Variants in LRP1B observed in about 807,000 individuals in gnomAD.
The protein encoded by LRP1B is low-density lipoprotein receptor-related protein 1B.
In LRP1B, 217 loss-of-function variants were observed where a neutral mutation model predicts 556.6. The observed-to-expected ratio is 0.39, with a 90% CI of 0.35 to 0.44. The LOEUF is 0.44. Among genes scored for constraint, LRP1B ranks in the 20% least tolerant of loss-of-function variants. The probability of loss-of-function intolerance (pLI) is 1.00; values close to 1 mark genes in which losing one functional copy is unlikely to be tolerated. For synonymous variants in LRP1B, 2,047 were observed against 1,865.8 expected, an observed-to-expected ratio of 1.10 and a Z score of -2.50; for missense variants, 5,053 against 5,620.8, an observed-to-expected ratio of 0.90 and a Z score of 3.23.
intron 14 of LRP1B, among the ~76,000 whole-genome samples, chr2:141,012,484 A>G (rs1203322361): frequency 6.6e-6 from 1 of 151,976 alleles, no homozygotes; most frequent in Non-Finnish European, 1.5e-5. Context: ...TTACCTTTTA[A>G]TCTATCCAGG....
At chr2:141,208,975 T>C (rs1372237339) in intron 6 of LRP1B, among the ~76,000 whole-genome samples, 1 of 139,536 alleles carries the variant, frequency 7.2e-6, no homozygotes, top group Non-Finnish European at 1.5e-5. Context: ...AACAATATTA[T>C]CAAAATAGCA....
chr2:140,825,436 T>C lies in LRP1B; in HGVS notation c.5210-11630A>G, dbSNP rs191586219. On this transcript the variant is annotated intron_variant, in intron 31 of 90. Coordinates refer to ENST00000389484, the MANE Select transcript of LRP1B (RefSeq NM_018557.3). ...CACATTATAGGAAGTCCTTTTTTTT[T>C]TTAGTTTTTTCTTCAAGACTCCCAC... is the stretch of plus-strand genomic sequence containing the variant. Among the ~76,000 whole-genome samples the C allele has an allele frequency of 2.1e-4, 32 of 152,258 alleles. No individual in the cohort carries two copies. In the East Asian group the frequency reaches 4.6e-3, roughly 22 times the overall value.
chr2:141,853,753 T>C (rs1697946513), intron 1 of LRP1B, among the ~76,000 whole-genome samples: 1 of 151,958 alleles, frequency 6.6e-6, no homozygotes, highest in Non-Finnish European at 1.5e-5. Context: ...ATACAAAAGT[T>C]TGGTAGTGAA....
intron 2 of LRP1B, among the ~76,000 whole-genome samples, chr2:141,635,872 A>G (rs1314266702): frequency 1.3e-5 from 2 of 152,182 alleles, no homozygotes; most frequent in African/African-American, 2.4e-5. Flanking sequence ...GAGTGGTCGC[A>G]TCTCAGGGTA....
intron 56 of LRP1B, among the ~76,000 whole-genome samples, chr2:140,493,359 C>T (rs1179145511): frequency 6.6e-6 from 1 of 152,070 alleles, no homozygotes; most frequent in Non-Finnish European, 1.5e-5. Context: ...AAGATCTGAG[C>T]ATTCTCAACG....
intron 3 of LRP1B, among the ~76,000 whole-genome samples, chr2:141,260,172 G>A (rs1298633252): frequency 6.6e-6 from 1 of 152,084 alleles, no homozygotes. Flanking sequence ...CCAACAGATA[G>A]TGAAACACTA....
In LRP1B at chr2:141,228,582, A is replaced by AGAGT. The variant is rs70991148; in HGVS notation, c.850+600_850+601insACTC. On this transcript the variant is annotated intron_variant, in intron 6 of 90. Coordinates refer to ENST00000389484, the MANE Select transcript of LRP1B (RefSeq NM_018557.3). ...GCATCCCTGGGTGTCTGTGTGTATG[A>AGAGT]GTGTGTGTGTGTGTGTGTGTGTGTG... is the stretch of plus-strand genomic sequence containing the variant. Among the ~76,000 whole-genome samples, 6 of 146,398 alleles carry AGAGT rather than the reference A, an allele frequency of 4.1e-5. No individual in the cohort carries two copies. The Admixed American group carries it at 4.1e-4, about 10-fold the overall frequency.
intron 3 of LRP1B, among the ~76,000 whole-genome samples, chr2:141,357,899 C>G (rs761092694): frequency 2.0e-5 from 3 of 152,070 alleles, no homozygotes; most frequent in Non-Finnish European, 4.4e-5. Flanking sequence ...TAATTCTGGA[C>G]TGTTGTGCAA....
In LRP1B at chr2:141,965,767, GTAA is replaced by G. The variant is rs1311228504; in HGVS notation, c.83-155369_83-155367del. On this transcript the variant is annotated intron_variant, in intron 1 of 90. Transcript: ENST00000389484. Reference sequence around the variant, plus strand: ...AGAATTAAAAAAAATAATAATAATAGTAATAATAAATAAATAAATAAATATGTA... The same window carrying G: ...AGAATTAAAAAAAATAATAATAATAGTAATAAATAAATAAATAAATATGTA... Among the ~76,000 whole-genome samples, 6 of 107,818 alleles carry G rather than the reference GTAA, an allele frequency of 5.6e-5. 1 individual carries two copies. The highest frequency in any genetic ancestry group is 5.8e-4 in the South Asian group (2 of 3,430). The allele number at this position is 107,818 out of a possible 152,430, so 70.7% of individuals were successfully genotyped here.
chr2:141,417,878 T>C (rs974654515), intron 3 of LRP1B, among the ~76,000 whole-genome samples: 2 of 151,906 alleles, frequency 1.3e-5, no homozygotes, highest in African/African-American at 4.8e-5. Context: ...CAGCACATCA[T>C]TTTAAAGTTT....
At chr2:141,005,589 C>A in intron 14 of LRP1B, 132 bp from the exon 15 acceptor site, 1 of 679,008 alleles carries the variant, frequency 1.5e-6, no homozygotes, top group Non-Finnish European at 2.2e-6. Context: ...GTGAAGATTT[C>A]TGTTGAATCA....
At chr2:141,648,003 T>C (rs1371168646) in intron 2 of LRP1B, among the ~76,000 whole-genome samples, 1 of 151,976 alleles carries the variant, frequency 6.6e-6, no homozygotes, top group Non-Finnish European at 1.5e-5. Flanking sequence ...AATACAGAAA[T>C]GTGGGGAATT....
intron 37 of LRP1B, among the ~76,000 whole-genome samples, chr2:140,714,913 T>C (rs1419007877): frequency 1.3e-5 from 2 of 152,032 alleles, no homozygotes; most frequent in Admixed American, 6.6e-5. Context: ...AAATAATGTA[T>C]ACAATAAAAA....
In LRP1B at chr2:140,982,211, A is replaced by C. The variant is rs764581547; in HGVS notation, c.2836T>G (p.Cys946Gly). 1 of 1,613,436 alleles carries C rather than the reference A, an allele frequency of 6.2e-7. No homozygotes were observed. The highest frequency in any genetic ancestry group is 1.1e-5 in the South Asian group (1 of 91,072). Residue 946 changes from cysteine (C) to glycine (G), a missense_variant, in exon 18 of 91, where the codon TGT (cysteine) becomes GGT (glycine). Physicochemically the swap from Cys to Gly is radical, Grantham distance 159. This residue lies in a region of LRP1B where 3,619 missense variants were observed against 3,931.9 expected (regional missense o/e 0.92). Transcript: ENST00000389484. Reference protein sequence around the residue: ...NGRCIPRAWLCDREDDCGDQT... With the variant: ...NGRCIPRAWLGDREDDCGDQT... ...TCACCACAGTCGTCTTCCCTGTCAC[A>C]CAGCCATGCTCTGGGAATGCAACGC... is the stretch of plus-strand genomic sequence containing the variant.
intron 1 of LRP1B, among the ~76,000 whole-genome samples, chr2:141,897,601 T>G (rs1470679963): frequency 3.4e-5 from 5 of 149,116 alleles, no homozygotes; most frequent in Admixed American, 1.3e-4. Flanking sequence ...AAAGATATGA[T>G]TTTTTTCCAG....
intron 3 of LRP1B, among the ~76,000 whole-genome samples, chr2:141,258,525 T>C (rs1270721293): frequency 6.6e-6 from 1 of 152,120 alleles, no homozygotes; most frequent in Non-Finnish European, 1.5e-5. Flanking sequence ...TCAAATCTAA[T>C]CCAATTCGTG....
chr2:141,305,130 G>A (rs1027460029), intron 3 of LRP1B, among the ~76,000 whole-genome samples: 3 of 152,032 alleles, frequency 2.0e-5, no homozygotes, highest in Non-Finnish European at 4.4e-5. Flanking sequence ...AAATGACATT[G>A]GCATTTTGAT....
chr2:141,045,650 G>T (rs1698846750), intron 11 of LRP1B, among the ~76,000 whole-genome samples: 1 of 151,622 alleles, frequency 6.6e-6, no homozygotes, highest in Non-Finnish European at 1.5e-5. Flanking sequence ...GTGTTTACTG[G>T]CTTATTATTC....
chr2:140,252,062 C>CAAAAAAAAAAAAAAAA, intron 86 of LRP1B, among the ~76,000 whole-genome samples: 23 of 18,548 alleles, frequency 1.2e-3, no homozygotes, highest in Admixed American at 3.2e-3. Context: ...TGACAAGATG[C>CAAAAAAAAAAAAAAAA]AAAAAAAAAA....
Sources: allele counts gnomAD v4.1 joint callset (sites outside exome capture counted in the v4.1 genomes callset), GRCh38; gene constraint gnomAD v4.1.1; regional missense constraint gnomAD v4.1.1; transcripts MANE v1.5; gene names NCBI Gene and HGNC (gene_info 2026-07-23, HGNC 2026-07-21).